PHKB: variants seen among roughly 807,000 people sequenced by gnomAD.
The protein encoded by PHKB is phosphorylase b kinase regulatory subunit beta.
PHKB carries 122 observed loss-of-function variants against 152.1 expected under a neutral mutation model. The observed-to-expected ratio is 0.80, with a 90% CI of 0.69 to 0.93. The LOEUF (loss-of-function observed/expected upper bound fraction) is 0.93. PHKB is among the 40% of genes least tolerant of loss of function. The pLI is 0.00. For synonymous variants in PHKB, 436 were observed against 464.9 expected (o/e 0.94, Z 0.80); for missense variants, 1,304 against 1,328.4 (o/e 0.98, Z 0.29).
Position 47,587,746 on chromosome 16 carries a change from A to C in PHKB, c.853A>C (p.Arg285=). The C allele has an allele frequency of 6.2e-7, 1 of 1,610,488 alleles. No individual in the cohort carries two copies. The change falls in exon 9 of 31, where the codon AGA becomes CGA. Residue 285 remains arginine (R), a synonymous_variant. Coordinates refer to ENST00000323584, the MANE Select transcript of PHKB (RefSeq NM_000293.3). ...NRQTLCSLLP[R]ESRSHNTDAA... Reference sequence around the variant, plus strand: ...GCAAACTTTGTGCTCGCTGTTACCCAGAGAATCAAGATCACATGTGAGACA... The same window carrying C: ...GCAAACTTTGTGCTCGCTGTTACCCCGAGAATCAAGATCACATGTGAGACA...
chr16:47,510,933 A>C (rs1356186380), intron 4 of PHKB, among the ~76,000 whole-genome samples: 1 of 152,178 alleles, frequency 6.6e-6, no homozygotes, highest in Non-Finnish European at 1.5e-5. Flanking sequence ...AGGAATTAGC[A>C]CAGTACTTGT....
In PHKB at chr16:47,574,181, A is replaced by G. The variant is rs117537695; in HGVS notation, c.711-6114A>G. 9.9e-3 allele frequency among the ~76,000 whole-genome samples: 1,503 copies of G among 152,162 alleles called. 11 individuals are homozygous for G. Among genetic ancestry groups the G allele is most frequent in the Non-Finnish European group, 0.017 (1,124 of 67,992 alleles). On this transcript the variant is annotated intron_variant, in intron 7 of 30. Transcript: ENST00000323584. ...GTGACCCACCCGTTTCAGCCTCCCA[A>G]AGTTCTGGGATTACAGGCATGAGCC...
chr16:47,673,571 A>G (rs1256030338), intron 26 of PHKB, among the ~76,000 whole-genome samples: 1 of 152,152 alleles, frequency 6.6e-6, no homozygotes. Flanking sequence ...GGAATGGTGT[A>G]ATTAATCATA....
intron 22 of PHKB, 107 bp downstream of exon 22, chr16:47,660,926 A>T: frequency 8.9e-7 from 1 of 1,124,158 alleles, no homozygotes; most frequent in Non-Finnish European, 1.4e-6. Flanking sequence ...GTAGCAATTA[A>T]TCTGGAGGTG....
In PHKB at chr16:47,609,512, C is replaced by T. The variant is rs191246100; in HGVS notation, c.1364-1314C>T. Among the ~76,000 whole-genome samples the T allele has an allele frequency of 1.1e-3, 169 of 151,144 alleles. 1 individual carries two copies. Among genetic ancestry groups the T allele is most frequent in the African/African-American group, 3.5e-3 (144 of 41,172 alleles). On this transcript the variant is annotated intron_variant, in intron 13 of 30. Coordinates refer to ENST00000323584, the MANE Select transcript of PHKB (RefSeq NM_000293.3). ...ACTGCTTGGTAGAATTCACCAGTGA[C>T]GCCATCTAGTCCTGAACTATGTGTG...
intron 1 of PHKB, among the ~76,000 whole-genome samples, chr16:47,476,408 C>T (rs1217512753): frequency 1.3e-5 from 2 of 151,998 alleles, no homozygotes; most frequent in Admixed American, 1.3e-4. Flanking sequence ...CAGTAAGGCT[C>T]AATTAGTTTG....
chr16:47,672,257 T>G (rs146724428), intron 26 of PHKB, among the ~76,000 whole-genome samples: 30 of 152,312 alleles, frequency 2.0e-4, no homozygotes, highest in Non-Finnish European at 2.9e-5. Context: ...TTTCAAAGAT[T>G]CAGAGCTATT....
chr16:47,691,811 CAAAA>C (rs1205065754), intron 27 of PHKB, among the ~76,000 whole-genome samples: 1 of 151,916 alleles, frequency 6.6e-6, no homozygotes, highest in Non-Finnish European at 1.5e-5. Flanking sequence ...AATGAAAAGA[CAAAA>C]AATAAAGGAT....
At chr16:47,461,646 T>A (rs1000526422) in intron 1 of PHKB, among the ~76,000 whole-genome samples, 1 of 152,228 alleles carries the variant, frequency 6.6e-6, no homozygotes, top group Non-Finnish European at 1.5e-5. Context: ...CCCCCGACTC[T>A]ATTCCGCTTG....
At position 47,569,779 on chromosome 16, in the gene PHKB, G is replaced by A. The variant is rs548682597; in HGVS notation, c.711-10516G>A. Among the ~76,000 whole-genome samples, 24 of 152,108 alleles carry A rather than the reference G, an allele frequency of 1.6e-4. No individual in the cohort carries two copies. In the South Asian group the frequency reaches 3.1e-3, roughly 20 times the overall value. On this transcript the variant is annotated intron_variant, in intron 7 of 30. Coordinates refer to ENST00000323584, the MANE Select transcript of PHKB (RefSeq NM_000293.3). ...GGGACTTACAGGTGCACGCCACCAC[G>A]CCTGGCTAATTTTTGTATTTTTAGT...
Position 47,559,663 on chromosome 16 carries a change from T to C in PHKB, c.710+12115T>C, listed in dbSNP as rs183591880. Among the ~76,000 whole-genome samples the C allele has an allele frequency of 5.7e-3, 861 of 152,230 alleles. 7 individuals are homozygous for C. Among genetic ancestry groups the C allele is most frequent in the African/African-American group, 0.02 (820 of 41,518 alleles). On this transcript the variant is annotated intron_variant, in intron 7 of 30. Transcript: ENST00000323584. ...CTTCCTAACAGCATGGTGGCTGGGC[T>C]CCAAGGCCCAGAATCCCAGGCAGAG...
At chr16:47,536,488 TTTC>T (rs1304489236) in intron 6 of PHKB, among the ~76,000 whole-genome samples, 1 of 152,200 alleles carries the variant, frequency 6.6e-6, no homozygotes, top group Non-Finnish European at 1.5e-5. Flanking sequence ...AGGACCACAG[TTTC>T]TTATGTGAAA....
At chr16:47,530,132 C>CTTT (rs201960518) in intron 6 of PHKB, among the ~76,000 whole-genome samples, 3 of 129,746 alleles carry the variant, frequency 2.3e-5, no homozygotes, top group East Asian at 2.1e-4. Flanking sequence ...ATATAAACTC[C>CTTT]TTTTTTTTTT....
At chr16:47,684,411 T>G (rs1973923732) in intron 26 of PHKB, among the ~76,000 whole-genome samples, 1 of 152,198 alleles carries the variant, frequency 6.6e-6, no homozygotes, top group African/African-American at 2.4e-5. Flanking sequence ...TACTCCTTAA[T>G]TGGGGTATAT....
At chr16:47,605,171 C>T (rs192432510) in intron 13 of PHKB, among the ~76,000 whole-genome samples, 9 of 152,154 alleles carry the variant, frequency 5.9e-5, no homozygotes, top group Admixed American at 2.6e-4. Flanking sequence ...ATTTGCTAAC[C>T]GACTAATTTA....
chr16:47,589,361 A>G (rs1971989325), intron 10 of PHKB, among the ~76,000 whole-genome samples: 1 of 152,252 alleles, frequency 6.6e-6, no homozygotes. Context: ...AATGCTCAGT[A>G]AGTGTTAGCT....
intron 1 of PHKB, among the ~76,000 whole-genome samples, chr16:47,478,166 A>G (rs1172923671): frequency 6.6e-6 from 1 of 152,200 alleles, no homozygotes; most frequent in African/African-American, 2.4e-5. Context: ...AGCAGAGTCT[A>G]GCAATTATCA....
rs528126173 is a variant in PHKB at position 47,691,654 on chromosome 16, G to C, written c.2766-1724G>C. ...CAGTAAGCTGAGGCTGCAGAGTCGAGATTGCACCACTGCACTCCAGCCTCA... is the reference window on the plus strand; with the variant it reads ...CAGTAAGCTGAGGCTGCAGAGTCGACATTGCACCACTGCACTCCAGCCTCA... On this transcript the variant is annotated intron_variant, in intron 27 of 30. Transcript: ENST00000323584. 1.3e-4 allele frequency among the ~76,000 whole-genome samples: 20 copies of C among 150,778 alleles called. No individual in the cohort carries two copies. In the South Asian group the frequency reaches 3.6e-3, roughly 27 times the overall value.
chr16:47,648,469 C>T, intron 16 of PHKB, 64 bp from the exon 17 acceptor site: 7 of 1,103,184 alleles, frequency 6.3e-6, no homozygotes, highest in Non-Finnish European at 9.8e-6. Context: ...CAGGACAATA[C>T]TCAGGGGTGA....
Sources: gnomAD v4.1 joint callset for allele counts (sites outside exome capture counted in the v4.1 genomes callset) on GRCh38, gnomAD v4.1.1 for gene constraint, MANE v1.5 for transcripts, NCBI Gene and HGNC (gene_info 2026-07-23, HGNC 2026-07-21) for gene names.